The following CLEC2A variants were observed in gnomAD, a reference collection of about 807,000 sequenced individuals.
CLEC2A encodes the protein keratinocyte-associated C-type lectin.
A neutral mutation model predicts 18.6 loss-of-function variants in CLEC2A; 19 were observed. The ratio of observed to expected loss-of-function variants is 1.02; its 90% CI spans 0.71 to 1.50. CLEC2A has a LOEUF of 1.50. CLEC2A is among the 40% of genes most tolerant of loss of function. The pLI is 0.00. For missense variants in CLEC2A, 190 were observed against 207.9 expected, an observed-to-expected ratio of 0.91 and a Z score of 0.53; for synonymous variants, 74 against 64.0, an observed-to-expected ratio of 1.16 and a Z score of -0.75.
chr12:9,896,255 G>T (rs535880379), downstream of CLEC2A, among the ~76,000 whole-genome samples: 16 of 152,204 alleles, frequency 1.1e-4, no homozygotes, highest in African/African-American at 3.6e-4. Flanking sequence ...TTTCATCTGT[G>T]TATTATAGCC....
downstream of CLEC2A, among the ~76,000 whole-genome samples, chr12:9,910,046 T>A (rs747164814): frequency 3.3e-5 from 5 of 152,162 alleles, no homozygotes; most frequent in Non-Finnish European, 5.9e-5. Context: ...ATACTCTATA[T>A]CCTCCAGAGA....
chr12:9,923,945 G>T (rs892387820), intron 2 of CLEC2A, among the ~76,000 whole-genome samples: 1 of 151,740 alleles, frequency 6.6e-6, no homozygotes, highest in Non-Finnish European at 1.5e-5. Flanking sequence ...GGGGAGTGGG[G>T]AGGGATAGCC....
intron 3 of CLEC2A, among the ~76,000 whole-genome samples, chr12:9,921,098 C>T (rs1462118040): frequency 6.6e-6 from 1 of 152,272 alleles, no homozygotes; most frequent in East Asian, 1.9e-4. Context: ...CTGTGACTGA[C>T]TTTCCTCATC....
At chr12:9,887,332 G>A in the CLEC2A span, among the ~76,000 whole-genome samples, 1 of 152,224 alleles carries the variant, frequency 6.6e-6, no homozygotes, top group South Asian at 2.1e-4. Context: ...AACACCATGA[G>A]TAAAAATATA....
At chr12:9,912,565 TC>T (rs2137031154), downstream of CLEC2A, among the ~76,000 whole-genome samples, 1 of 152,086 alleles carries the variant, frequency 6.6e-6, no homozygotes, top group African/African-American at 2.4e-5. Context: ...TTTCCTTAGT[TC>T]AGCTAAAGAT....
Position 9,913,432 on chromosome 12 carries a change from A to G in CLEC2A, c.*134T>C. 2 of 1,408,442 alleles carry G rather than the reference A, an allele frequency of 1.4e-6. No individual in the cohort carries two copies. Among genetic ancestry groups the G allele is most frequent in the Non-Finnish European group, 1.8e-6 (2 of 1,082,884 alleles). 87.2% of individuals were successfully genotyped at this position (1,408,442 alleles called of 1,614,324 possible). A position where few individuals can be genotyped will look rare whatever the true frequency, so the allele number is the denominator to read the frequency against. On this transcript the variant is annotated 3_prime_UTR_variant, in exon 5 of 5. Coordinates refer to ENST00000455827, the MANE Select transcript of CLEC2A (RefSeq NM_001130711.2). Reference sequence around the variant, plus strand: ...TGGCAGGGCACAGCAAGAAGTTTCCATCTATAAACTAGAAAATGGGCCCTC... The same window carrying G: ...TGGCAGGGCACAGCAAGAAGTTTCCGTCTATAAACTAGAAAATGGGCCCTC...
the CLEC2A span, among the ~76,000 whole-genome samples, chr12:9,877,860 C>T: frequency 3.9e-5 from 6 of 152,104 alleles, no homozygotes; most frequent in Admixed American, 3.9e-4. Flanking sequence ...TGAATATATA[C>T]AGAGGAATAG....
At chr12:9,900,670 C>T (rs1431649791) in intron 4 of CLEC2A, among the ~76,000 whole-genome samples, 2 of 152,130 alleles carry the variant, frequency 1.3e-5, no homozygotes, top group Admixed American at 6.5e-5. Context: ...CCAGGATAAA[C>T]TTGGAGCTTC....
chr12:9,897,006 T>C (rs1862764230), downstream of CLEC2A, among the ~76,000 whole-genome samples: 1 of 151,892 alleles, frequency 6.6e-6, no homozygotes, highest in Non-Finnish European at 1.5e-5. Flanking sequence ...ATTACAGGCA[T>C]GCACCACCAT....
At chr12:9,880,808 A>G in the CLEC2A span, among the ~76,000 whole-genome samples, 1 of 152,182 alleles carries the variant, frequency 6.6e-6, no homozygotes, top group Non-Finnish European at 1.5e-5. Flanking sequence ...GTCACATTAC[A>G]GAGGAGGCAA....
chr12:9,887,883 C>A, the CLEC2A span, among the ~76,000 whole-genome samples: 1 of 150,862 alleles, frequency 6.6e-6, no homozygotes, highest in African/African-American at 2.4e-5. Flanking sequence ...GAAACCCCGT[C>A]CCTAATAAAA....
At chr12:9,900,965 T>C (rs1320314548) in intron 4 of CLEC2A, among the ~76,000 whole-genome samples, 1 of 152,038 alleles carries the variant, frequency 6.6e-6, no homozygotes, top group Admixed American at 6.5e-5. Context: ...GTTTCCAAAT[T>C]CTAGAGGAAC....
chr12:9,909,522 A>G (rs1294863609), downstream of CLEC2A, among the ~76,000 whole-genome samples: 1 of 152,154 alleles, frequency 6.6e-6, no homozygotes, highest in African/African-American at 2.4e-5. Flanking sequence ...CCACTCGATG[A>G]GGGTCATCTC....
At chr12:9,885,003 T>A in the CLEC2A span, 1 of 1,321,926 alleles carries the variant, frequency 7.6e-7, no homozygotes, top group Non-Finnish European at 9.7e-7. Context: ...CTTATATTCA[T>A]TATGACAGGG....
downstream of CLEC2A, among the ~76,000 whole-genome samples, chr12:9,911,329 T>G (rs1862982753): frequency 6.6e-6 from 1 of 151,818 alleles, no homozygotes; most frequent in Admixed American, 6.6e-5. Context: ...AAGAAGAGAG[T>G]ACAAGAAGGT....
chr12:9,898,560 T>C (rs1445268104), downstream of CLEC2A: 1 of 193,700 alleles, frequency 5.2e-6, no homozygotes, highest in Admixed American at 5.8e-5. Flanking sequence ...TTCTGTGTGG[T>C]GAGCAGCAGG....
At chr12:9,914,488 A>C (rs777310959) in intron 4 of CLEC2A, among the ~76,000 whole-genome samples, 5 of 152,224 alleles carry the variant, frequency 3.3e-5, no homozygotes, top group Non-Finnish European at 5.9e-5. Context: ...AGTAACCAAA[A>C]CAGCATGGTA....
At chr12:9,912,035 C>A (rs553625924), downstream of CLEC2A, among the ~76,000 whole-genome samples, 52 of 151,994 alleles carry the variant, frequency 3.4e-4, no homozygotes, top group South Asian at 0.011. Flanking sequence ...TTAGAGAGTA[C>A]AAACAGTGAT....
chr12:9,880,086 A>C, the CLEC2A span, among the ~76,000 whole-genome samples: 1 of 152,250 alleles, frequency 6.6e-6, no homozygotes, highest in Non-Finnish European at 1.5e-5. Flanking sequence ...TAGATGCCAC[A>C]CTACAGTCCC....
Sources: allele counts gnomAD v4.1 joint callset (sites outside exome capture counted in the v4.1 genomes callset), GRCh38; gene constraint gnomAD v4.1.1; transcripts MANE v1.5; gene names NCBI Gene and HGNC (gene_info 2026-07-23, HGNC 2026-07-21).